Variants in FANCC observed in about 807,000 individuals in gnomAD.
FANCC encodes Fanconi anemia group C protein.
FANCC carries 55 observed loss-of-function variants against 71.3 expected under a neutral mutation model. The ratio of observed to expected loss-of-function variants is 0.77; its 90% confidence interval spans 0.62 to 0.97. The LOEUF (loss-of-function observed/expected upper bound fraction) is 0.97. Ranked by LOEUF, FANCC falls within the 50% of genes least tolerant of loss-of-function variation. FANCC has a pLI of 0.00. For missense variants in FANCC, 678 were observed against 670.9 expected, an observed-to-expected ratio of 1.01 and a Z score of -0.12; for synonymous variants, 275 against 244.9, an observed-to-expected ratio of 1.12 and a Z score of -1.15.
intron 4 of FANCC, among the ~76,000 whole-genome samples, chr9:95,175,372 G>C (rs1825949973): frequency 6.6e-6 from 1 of 152,136 alleles, no homozygotes; most frequent in Non-Finnish European, 1.5e-5. Context: ...ACTGGAAAGG[G>C]GTAAAAACAG....
At chr9:95,104,054 C>T (rs948651360) in intron 14 of FANCC, among the ~76,000 whole-genome samples, 5 of 152,148 alleles carry the variant, frequency 3.3e-5, no homozygotes, top group African/African-American at 1.2e-4. Flanking sequence ...GGCCGTCCCA[C>T]CAAAGCAACC....
chr9:95,297,033 A>G (rs1395215722), intron 1 of FANCC, among the ~76,000 whole-genome samples: 1 of 152,262 alleles, frequency 6.6e-6, no homozygotes, highest in Non-Finnish European at 1.5e-5. Flanking sequence ...AGTGTTACAT[A>G]GTACAGCAGA....
chr9:95,295,178 A>T (rs1834290361), intron 1 of FANCC, among the ~76,000 whole-genome samples: 1 of 152,214 alleles, frequency 6.6e-6, no homozygotes, highest in African/African-American at 2.4e-5. Flanking sequence ...GACAAATGGA[A>T]TTACATCAAA....
At chr9:95,213,737 A>G (rs910176844) in intron 4 of FANCC, among the ~76,000 whole-genome samples, 6 of 152,228 alleles carry the variant, frequency 3.9e-5, no homozygotes, top group African/African-American at 1.4e-4. Context: ...GCTTTATGAC[A>G]ACAGATTTGG....
At chr9:95,191,735 GTTACCTTCGAC>G (rs1443055028) in intron 4 of FANCC, among the ~76,000 whole-genome samples, 1 of 151,972 alleles carries the variant, frequency 6.6e-6, no homozygotes, top group African/African-American at 2.4e-5. Context: ...CATTTTAGAT[GTTACCTTCGAC>G]TCATCCTTCA....
intron 1 of FANCC, among the ~76,000 whole-genome samples, chr9:95,297,890 C>G (rs1834480790): frequency 6.6e-6 from 1 of 152,068 alleles, no homozygotes; most frequent in South Asian, 2.1e-4. Context: ...TACATTTTAC[C>G]AAGACTGTCA....
intron 1 of FANCC, among the ~76,000 whole-genome samples, chr9:95,280,633 G>A (rs946983903): frequency 1.3e-5 from 2 of 152,278 alleles, no homozygotes; most frequent in South Asian, 4.1e-4. Flanking sequence ...ATTCACAAAT[G>A]TGGAAACTGA....
chr9:95,151,132 C>T (rs1830147345), intron 6 of FANCC, among the ~76,000 whole-genome samples: 1 of 152,112 alleles, frequency 6.6e-6, no homozygotes, highest in African/African-American at 2.4e-5. Context: ...CTTACCCGTG[C>T]TTTACTTCTC....
chr9:95,180,339 C>CTTTTTTTTTTTTT (rs34697587), intron 4 of FANCC, among the ~76,000 whole-genome samples: 1 of 82,162 alleles, frequency 1.2e-5, no homozygotes, highest in African/African-American at 4.7e-5. Context: ...ACAGTTAACT[C>CTTTTTTTTTTTTT]TTTTTTTTTT....
chr9:95,227,615 C>T lies in FANCC; in HGVS notation c.345+13034G>A, dbSNP rs184494754. Among the ~76,000 whole-genome samples the T allele has an allele frequency of 6.6e-4, 101 of 152,260 alleles. 1 individual carries two copies. Among genetic ancestry groups the T allele is most frequent in the African/African-American group, 2.3e-3 (94 of 41,548 alleles). ...TCCTGCCCTCCTGCACTGTGCTGAA[C>T]GTATTTTCAACAAAGAAGCCACCAT... On this transcript the variant is annotated intron_variant, in intron 4 of 14. Coordinates refer to ENST00000289081, the MANE Select transcript of FANCC (RefSeq NM_000136.3).
At chr9:95,102,690 C>T (rs2071153753) in intron 14 of FANCC, among the ~76,000 whole-genome samples, 2 of 152,222 alleles carry the variant, frequency 1.3e-5, no homozygotes, top group African/African-American at 4.8e-5. Flanking sequence ...TTTCCCAGGA[C>T]TATTCTGGTT....
At chr9:95,155,892 GT>G (rs68175473) in intron 6 of FANCC, among the ~76,000 whole-genome samples, 13 of 138,828 alleles carry the variant, frequency 9.4e-5, no homozygotes, top group African/African-American at 1.3e-4. Context: ...CTTTTTTTGG[GT>G]TTTTTTTTTT....
intron 4 of FANCC, among the ~76,000 whole-genome samples, chr9:95,187,911 C>G (rs1223878527): frequency 6.6e-6 from 1 of 151,692 alleles, no homozygotes; most frequent in South Asian, 2.2e-4. Flanking sequence ...GGAAACGTCT[C>G]AAGACTTGGA....
chr9:95,301,066 T>C (rs115098669), intron 1 of FANCC, among the ~76,000 whole-genome samples: 86 of 151,986 alleles, frequency 5.7e-4, no homozygotes, highest in African/African-American at 2.0e-3. Context: ...TTTAAGACTT[T>C]GTTCCTCGCT....
intron 6 of FANCC, among the ~76,000 whole-genome samples, chr9:95,159,698 T>C (rs1830641005): frequency 6.6e-6 from 1 of 152,172 alleles, no homozygotes; most frequent in Non-Finnish European, 1.5e-5. Context: ...GCACCTGTTG[T>C]TTCCTGACTT....
chr9:95,186,775 C>A (rs1224146907), intron 4 of FANCC, among the ~76,000 whole-genome samples: 1 of 151,042 alleles, frequency 6.6e-6, no homozygotes, highest in African/African-American at 2.4e-5. Flanking sequence ...GAGACTGCTG[C>A]GCTCGGACTG....
chr9:95,183,651 C>CA (rs1286895798), intron 4 of FANCC, among the ~76,000 whole-genome samples: 1 of 152,124 alleles, frequency 6.6e-6, no homozygotes, highest in Non-Finnish European at 1.5e-5. Context: ...TAACACTGAC[C>CA]AGAACCTGCA....
At chr9:95,197,247 C>A (rs895944728) in intron 4 of FANCC, among the ~76,000 whole-genome samples, 1 of 152,172 alleles carries the variant, frequency 6.6e-6, no homozygotes, top group African/African-American at 2.4e-5. Flanking sequence ...GTTAAAAAAG[C>A]CAACTATAGC....
At chr9:95,129,511 G>A (rs1163238748) in intron 8 of FANCC, among the ~76,000 whole-genome samples, 1 of 152,174 alleles carries the variant, frequency 6.6e-6, no homozygotes, top group Admixed American at 6.5e-5. Context: ...GGGCACTCCG[G>A]TAACACACCA....
Sources: allele counts gnomAD v4.1 joint callset (sites outside exome capture counted in the v4.1 genomes callset), GRCh38; gene constraint gnomAD v4.1.1; transcripts MANE v1.5; gene names NCBI Gene and HGNC (gene_info 2026-07-23, HGNC 2026-07-21).